The following TUBGCP3 variants were observed in gnomAD, a reference collection of about 807,000 sequenced individuals.
The protein encoded by TUBGCP3 is gamma-tubulin complex component 3.
In TUBGCP3, 50 loss-of-function variants were observed where a neutral mutation model predicts 123.1. That is an observed-to-expected ratio of 0.41 (90% CI 0.32 to 0.51). The LOEUF (loss-of-function observed/expected upper bound fraction) is 0.51. Ranked by LOEUF, TUBGCP3 falls within the 20% of genes least tolerant of loss-of-function variation. The probability of loss-of-function intolerance (pLI) is 0.36; values close to 1 mark genes in which losing one functional copy is unlikely to be tolerated. For missense variants in TUBGCP3, 882 were observed against 1,127.0 expected, an observed-to-expected ratio of 0.78 and a Z score of 3.11; for synonymous variants, 405 against 413.9, an observed-to-expected ratio of 0.98 and a Z score of 0.26.
intron 8 of TUBGCP3, among the ~76,000 whole-genome samples, chr13:112,553,854 C>A (rs1366148877): frequency 6.6e-6 from 1 of 152,230 alleles, no homozygotes. Flanking sequence ...TCCAGCAGTT[C>A]CTGAGCCAAC....
chr13:112,603,070 G>T, the TUBGCP3 span: 1 of 152,184 alleles, frequency 6.6e-6, no homozygotes, highest in Non-Finnish European at 1.5e-5. Context: ...CTGACGAGAA[G>T]AAATCATTTT....
At chr13:112,504,239 C>A (rs1881125517) in intron 18 of TUBGCP3, 76 bp from the exon 19 acceptor site, 1 of 1,568,614 alleles carries the variant, frequency 6.4e-7, no homozygotes, top group Non-Finnish European at 8.7e-7. Context: ...AAATATATAC[C>A]ACCTATGGGA....
At chr13:112,595,306 C>T in the TUBGCP3 span, among the ~76,000 whole-genome samples, 10 of 152,084 alleles carry the variant, frequency 6.6e-5, no homozygotes, top group African/African-American at 2.4e-4. Flanking sequence ...ACACCATTCT[C>T]CTGCCTCAGC....
At chr13:112,488,876 C>A (rs1311904900) in intron 21 of TUBGCP3, among the ~76,000 whole-genome samples, 2 of 142,968 alleles carry the variant, frequency 1.4e-5, no homozygotes, top group South Asian at 2.2e-4. Flanking sequence ...CCCACACCCA[C>A]CACAGGGGAG....
At chr13:112,563,090 T>C (rs975519321) in intron 3 of TUBGCP3, among the ~76,000 whole-genome samples, 4 of 152,208 alleles carry the variant, frequency 2.6e-5, no homozygotes, top group African/African-American at 9.6e-5. Context: ...TGCTCAGCCA[T>C]GCTTCAAACC....
Position 112,520,077 on chromosome 13 carries a change from TA to T in TUBGCP3, c.1746-57del. 13 of 1,519,384 alleles carry T rather than the reference TA, an allele frequency of 8.6e-6. No homozygotes were observed. The South Asian group carries it at 1.5e-4, about 17-fold the overall frequency. 94.1% of individuals were successfully genotyped at this position (1,519,384 alleles called of 1,614,324 possible). On this transcript the variant is annotated intron_variant, in intron 14 of 21. Coordinates refer to ENST00000261965, the MANE Select transcript of TUBGCP3 (RefSeq NM_006322.6). ...TATTACTTCAATTCTTAATGAACTT[TA>T]AAAAACGTATAAACTATTAAAAGTA...
intron 3 of TUBGCP3, among the ~76,000 whole-genome samples, chr13:112,559,859 G>C (rs891239573): frequency 6.6e-6 from 1 of 152,206 alleles, no homozygotes; most frequent in Non-Finnish European, 1.5e-5. Flanking sequence ...TCTGGGCCGG[G>C]AACAGGGGCT....
At chr13:112,558,698 T>C (rs1479467193) in intron 4 of TUBGCP3, among the ~76,000 whole-genome samples, 2 of 152,252 alleles carry the variant, frequency 1.3e-5, no homozygotes, top group Non-Finnish European at 2.9e-5. Context: ...AAGTTAGGCA[T>C]TATTAAAGAA....
chr13:112,572,122 G>A (rs55794546), intron 1 of TUBGCP3, among the ~76,000 whole-genome samples: 20,783 of 152,100 alleles, frequency 0.14, 2,406 homozygotes, highest in African/African-American at 0.31. Flanking sequence ...ATCACAACTT[G>A]ACTAACTGGC....
chr13:112,532,466 A>AT (rs2139112560), intron 11 of TUBGCP3, among the ~76,000 whole-genome samples: 1 of 152,354 alleles, frequency 6.6e-6, no homozygotes, highest in East Asian at 1.9e-4. Flanking sequence ...AGCAAGTTTA[A>AT]TTTTAACTTG....
chr13:112,503,463 G>A (rs992198041), intron 19 of TUBGCP3, among the ~76,000 whole-genome samples: 6 of 152,110 alleles, frequency 3.9e-5, no homozygotes, highest in African/African-American at 1.2e-4. Flanking sequence ...TCTGCCACCC[G>A]GGTTGAAGTG....
At chr13:112,588,215 G>C, upstream of TUBGCP3, 2 of 387,252 alleles carry the variant, frequency 5.2e-6, no homozygotes, top group East Asian at 4.0e-5. Context: ...GGCTGCCTAA[G>C]CGTTCCCGGC....
chr13:112,584,652 T>C (rs1334652797), intron 1 of TUBGCP3, among the ~76,000 whole-genome samples: 1 of 152,240 alleles, frequency 6.6e-6, no homozygotes, highest in Non-Finnish European at 1.5e-5. Flanking sequence ...TCTTCGAATA[T>C]GCTGTGTACT....
At position 112,520,008 on chromosome 13, in the gene TUBGCP3, G is replaced by A. The variant is rs747225423; in HGVS notation, c.1759C>T (p.Arg587Cys). ...TGCTGATACAAAGTCGTAGCTGGAC[G>A]GACAAGTTCTGGTCTTAACAAATTT... Reference protein sequence around the residue: ...LMDLLKPELVRPATTLYQHNL... With the variant: ...LMDLLKPELVCPATTLYQHNL... The change falls in exon 15 of 22, where the codon CGT becomes TGT. Residue 587 changes from arginine (R) to cysteine (C), a missense_variant. By Grantham distance (180) the Arg-to-Cys change is radical. Transcript: ENST00000261965. 24 of 1,613,238 alleles carry A rather than the reference G, an allele frequency of 1.5e-5. No homozygotes were observed. The highest frequency in any genetic ancestry group is 7.7e-5 in the South Asian group (7 of 90,938).
At position 112,558,285 on chromosome 13, in the gene TUBGCP3, G is replaced by C. The variant is rs755356337; in HGVS notation, c.459C>G (p.Ser153Arg). 1 of 1,613,436 alleles carries C rather than the reference G, an allele frequency of 6.2e-7. No homozygotes were observed. The highest frequency in any genetic ancestry group is 8.5e-7 in the Non-Finnish European group (1 of 1,180,036). ...TGCCACTGCTGCCCACGCTGCCGGA[G>C]CTCTGGGCTGACTGGGCACTCCGAT... ...YQDRSAQSAQ[S>R]SGSVGSSGIS... The change falls in exon 5 of 22, where the codon AGC (serine) becomes AGG (arginine). Residue 153 changes from serine (S) to arginine (R), a missense_variant. Ser to Arg is a moderately radical substitution (Grantham distance 110, BLOSUM62 -1). This residue lies in a region of TUBGCP3 where 713 missense variants were observed against 874.0 expected (regional missense o/e 0.82). Transcript: ENST00000261965.
At chr13:112,575,825 TCAACACA>T (rs1881763854) in intron 1 of TUBGCP3, among the ~76,000 whole-genome samples, 2 of 152,234 alleles carry the variant, frequency 1.3e-5, no homozygotes, top group South Asian at 2.1e-4. Flanking sequence ...TGGCAGTCAG[TCAACACA>T]CACATGGGCC....
At chr13:112,538,344 A>G (rs1433517197) in intron 11 of TUBGCP3, among the ~76,000 whole-genome samples, 2 of 152,232 alleles carry the variant, frequency 1.3e-5, no homozygotes, top group Non-Finnish European at 2.9e-5. Context: ...AGCATTTTAG[A>G]TAAGAGATAT....
rs1352795773 is a variant in TUBGCP3, at chr13:112,511,298, C to T, written c.2086+5142G>A. 3.3e-5 allele frequency among the ~76,000 whole-genome samples: 5 copies of T among 152,160 alleles called. No homozygotes were observed. Among genetic ancestry groups the T allele is most frequent in the East Asian group, 1.9e-4 (1 of 5,196 alleles). ...GCCTTTCCTGGTAAGATAAAATCTG[C>T]GGTGCTGCTTTACATGGAAAAGTGG... On this transcript the variant is annotated intron_variant, in intron 17 of 21. Transcript: ENST00000261965. The surrounding 1 kb of genome is among the most constrained non-coding windows in gnomAD (Gnocchi z 4.1).
At chr13:112,509,504 T>G (rs1042573694) in intron 17 of TUBGCP3, among the ~76,000 whole-genome samples, 3 of 152,248 alleles carry the variant, frequency 2.0e-5, no homozygotes, top group Middle Eastern at 3.2e-3. Context: ...GCAAGGTCAA[T>G]TTAGCAACAA....
Sources: gnomAD v4.1 joint callset for allele counts (sites outside exome capture counted in the v4.1 genomes callset) on GRCh38, gnomAD v4.1.1 for gene constraint, gnomAD v4.1.1 regional missense constraint, Gnocchi (gnomAD v3.1) non-coding constraint, MANE v1.5 for transcripts, NCBI Gene and HGNC (gene_info 2026-07-23, HGNC 2026-07-21) for gene names.